The following SLC44A5 variants were observed in gnomAD, a reference collection of about 807,000 sequenced individuals.
SLC44A5 encodes the protein choline transporter-like protein 5.
In SLC44A5, 57 loss-of-function variants were observed where a neutral mutation model predicts 101.8. The observed-to-expected ratio is 0.56, with a 90% CI of 0.45 to 0.70. The LOEUF (loss-of-function observed/expected upper bound fraction) is 0.70, where lower values mean the gene tolerates loss of function less well. SLC44A5 is among the 30% of genes least tolerant of loss of function. The pLI, the probability that SLC44A5 is intolerant of heterozygous loss-of-function variation, is 0.00. For synonymous variants in SLC44A5, 281 were observed against 290.9 expected, an observed-to-expected ratio of 0.97 and a Z score of 0.35; for missense variants, 737 against 853.1, an observed-to-expected ratio of 0.86 and a Z score of 1.70.
At chr1:75,245,094 G>A (rs1285895484) in intron 7 of SLC44A5, among the ~76,000 whole-genome samples, 7 of 152,108 alleles carry the variant, frequency 4.6e-5, no homozygotes, top group African/African-American at 1.2e-4. Context: ...ATAACAAAAT[G>A]TATAGGCCTC....
At chr1:75,538,793 T>C (rs529109856) in intron 2 of SLC44A5, among the ~76,000 whole-genome samples, 2 of 152,238 alleles carry the variant, frequency 1.3e-5, no homozygotes, top group African/African-American at 2.4e-5. Context: ...AGGCAATTTT[T>C]TGTGCTAATT....
At chr1:75,392,794 C>T (rs1413504490) in intron 3 of SLC44A5, among the ~76,000 whole-genome samples, 1 of 152,142 alleles carries the variant, frequency 6.6e-6, no homozygotes, top group Non-Finnish European at 1.5e-5. Context: ...AACTGTGGTA[C>T]ATATACACCA....
chr1:75,360,040 T>C (rs2101110522), intron 3 of SLC44A5, among the ~76,000 whole-genome samples: 1 of 152,326 alleles, frequency 6.6e-6, no homozygotes, highest in South Asian at 2.1e-4. Context: ...CTGAGTTGTT[T>C]GAGCCTCTTA....
At chr1:75,442,959 C>T (rs1208500298) in intron 2 of SLC44A5, among the ~76,000 whole-genome samples, 6 of 152,134 alleles carry the variant, frequency 3.9e-5, no homozygotes, top group Non-Finnish European at 7.4e-5. Flanking sequence ...CCACATACTT[C>T]TAAATAACTC....
chr1:75,475,036 T>C (rs114920995), intron 2 of SLC44A5, among the ~76,000 whole-genome samples: 1,765 of 152,328 alleles, frequency 0.012, 37 homozygotes, highest in African/African-American at 0.041. Flanking sequence ...CCTGAGTTAT[T>C]CACACATCAG....
chr1:75,288,461 A>G (rs1177634026), intron 5 of SLC44A5, among the ~76,000 whole-genome samples: 3 of 152,278 alleles, frequency 2.0e-5, no homozygotes, highest in African/African-American at 4.8e-5. Flanking sequence ...TCACATTTCT[A>G]TTTATTTGGT....
chr1:75,580,981 C>G (rs1054177866), intron 1 of SLC44A5, among the ~76,000 whole-genome samples: 4 of 152,096 alleles, frequency 2.6e-5, no homozygotes, highest in African/African-American at 9.7e-5. Flanking sequence ...AAGATACTTT[C>G]TTTCTCAGAT....
chr1:75,723,584 G>A, the SLC44A5 span: 8 of 152,292 alleles, frequency 5.3e-5, no homozygotes, highest in East Asian at 1.5e-3. Context: ...TGTTTAAAAT[G>A]TTCAGAATAA....
chr1:75,356,816 A>T (rs535222493), intron 3 of SLC44A5, among the ~76,000 whole-genome samples: 1 of 152,264 alleles, frequency 6.6e-6, no homozygotes, highest in African/African-American at 2.4e-5. Context: ...CTATATTTAG[A>T]TATGTTTAGG....
At chr1:75,387,203 G>T (rs1661422788) in intron 3 of SLC44A5, among the ~76,000 whole-genome samples, 2 of 152,132 alleles carry the variant, frequency 1.3e-5, no homozygotes, top group Admixed American at 1.3e-4. Context: ...AGCCAAAATT[G>T]ACAAATGGGA....
chr1:75,280,493 A>ATT (rs1218037492), intron 5 of SLC44A5, among the ~76,000 whole-genome samples: 4 of 116,990 alleles, frequency 3.4e-5, no homozygotes, highest in Non-Finnish European at 3.4e-5. Context: ...TATTATATAT[A>ATT]TTATATATAT....
intron 2 of SLC44A5, among the ~76,000 whole-genome samples, chr1:75,398,104 A>G (rs1336902787): frequency 1.3e-5 from 2 of 152,168 alleles, no homozygotes; most frequent in Non-Finnish European, 2.9e-5. Context: ...TCAAGATACA[A>G]TACGGACTAC....
intron 23 of SLC44A5, among the ~76,000 whole-genome samples, chr1:75,207,443 G>T (rs1646770344): frequency 6.6e-6 from 1 of 152,162 alleles, no homozygotes; most frequent in South Asian, 2.1e-4. Context: ...CCACCCACCT[G>T]CTGGCTAGTT....
intron 3 of SLC44A5, among the ~76,000 whole-genome samples, chr1:75,364,569 T>C (rs145595495): frequency 2.8e-4 from 43 of 152,320 alleles, no homozygotes; most frequent in African/African-American, 9.6e-4. Flanking sequence ...CATGAGATTT[T>C]GGTGGGAACA....
chr1:75,486,749 G>A (rs181177093), intron 2 of SLC44A5, among the ~76,000 whole-genome samples: 52 of 152,288 alleles, frequency 3.4e-4, no homozygotes, highest in Non-Finnish European at 6.0e-4. Context: ...TTGACTCCAT[G>A]CCTCACATCC....
At chr1:75,244,675 T>C (rs1020786357) in intron 7 of SLC44A5, among the ~76,000 whole-genome samples, 2 of 152,036 alleles carry the variant, frequency 1.3e-5, no homozygotes, top group Non-Finnish European at 1.5e-5. Context: ...TTTGGGGGCC[T>C]ATCAGTGCCA....
At chr1:75,673,198 G>A in the SLC44A5 span, among the ~76,000 whole-genome samples, 1 of 152,074 alleles carries the variant, frequency 6.6e-6, no homozygotes, top group African/African-American at 2.4e-5. Context: ...TTCTAAACCT[G>A]CCCTGTGCCA....
At chr1:75,288,243 G>C (rs1263654637) in intron 5 of SLC44A5, among the ~76,000 whole-genome samples, 1 of 151,952 alleles carries the variant, frequency 6.6e-6, no homozygotes, top group Non-Finnish European at 1.5e-5. Context: ...CTAGGATTTT[G>C]GTATTTTTCA....
At chr1:75,573,966 A>G (rs1277744195) in intron 1 of SLC44A5, among the ~76,000 whole-genome samples, 1 of 152,216 alleles carries the variant, frequency 6.6e-6, no homozygotes, top group Non-Finnish European at 1.5e-5. Context: ...GATGCACTCA[A>G]TGCATCAGCA....
Sources: gnomAD v4.1 joint callset for allele counts (sites outside exome capture counted in the v4.1 genomes callset) on GRCh38, gnomAD v4.1.1 for gene constraint, MANE v1.5 for transcripts, NCBI Gene and HGNC (gene_info 2026-07-23, HGNC 2026-07-21) for gene names.